PAK5: variants seen among roughly 807,000 people sequenced by gnomAD.
PAK5 encodes the protein p21 (RAC1) activated kinase 5.
In PAK5, 16 loss-of-function variants were observed where a neutral mutation model predicts 65.9. That is an observed-to-expected ratio of 0.24 (90% confidence interval 0.16 to 0.37). PAK5 has a LOEUF of 0.37. Ranked by LOEUF, PAK5 falls within the 10% of genes least tolerant of loss-of-function variation. The probability of loss-of-function intolerance (pLI) is 1.00; values close to 1 mark genes in which losing one functional copy is unlikely to be tolerated. For missense variants in PAK5, 785 were observed against 903.9 expected, an observed-to-expected ratio of 0.87 and a Z score of 1.69; for synonymous variants, 371 against 354.9, an observed-to-expected ratio of 1.05 and a Z score of -0.51.
chr20:9,596,079 C>T (rs561627114), intron 3 of PAK5, among the ~76,000 whole-genome samples: 2 of 152,324 alleles, frequency 1.3e-5, no homozygotes, highest in South Asian at 4.1e-4. Context: ...TACATTAATG[C>T]TATTCCACTT....
At chr20:9,773,392 C>T (rs1156573575) in intron 1 of PAK5, among the ~76,000 whole-genome samples, 1 of 152,072 alleles carries the variant, frequency 6.6e-6, no homozygotes, top group Non-Finnish European at 1.5e-5. Context: ...TCCCCCTTCC[C>T]CCGACCCCAC....
At chr20:9,799,760 A>C (rs2049146168) in intron 1 of PAK5, among the ~76,000 whole-genome samples, 1 of 151,782 alleles carries the variant, frequency 6.6e-6, no homozygotes, top group Non-Finnish European at 1.5e-5. Context: ...ACACCCATAA[A>C]GAAATATCTG....
intron 1 of PAK5, among the ~76,000 whole-genome samples, chr20:9,757,765 C>T (rs924372307): frequency 2.6e-5 from 4 of 152,136 alleles, no homozygotes; most frequent in Admixed American, 2.6e-4. Context: ...ATACTGATCT[C>T]CTTCATGCTG....
At chr20:9,738,427 C>T (rs1224626583) in intron 1 of PAK5, among the ~76,000 whole-genome samples, 1 of 152,014 alleles carries the variant, frequency 6.6e-6, no homozygotes, top group Non-Finnish European at 1.5e-5. Context: ...TGTCCATCAA[C>T]AGGTGAATGT....
At chr20:9,573,170 T>C (rs2045822034) in intron 4 of PAK5, among the ~76,000 whole-genome samples, 1 of 152,048 alleles carries the variant, frequency 6.6e-6, no homozygotes, top group Admixed American at 6.5e-5. Flanking sequence ...GTATACCATA[T>C]AAATTAATTC....
intron 3 of PAK5, among the ~76,000 whole-genome samples, chr20:9,643,866 T>C (rs2047099368): frequency 6.6e-6 from 1 of 152,192 alleles, no homozygotes; most frequent in South Asian, 2.1e-4. Flanking sequence ...AAAGTCGAAA[T>C]AAAAATGTCC....
intron 1 of PAK5, among the ~76,000 whole-genome samples, chr20:9,797,892 T>C (rs1724754950): frequency 6.6e-6 from 1 of 152,010 alleles, no homozygotes. Context: ...GATTCATCAG[T>C]ATATGAATGG....
At chr20:9,770,631 G>C (rs2048822336) in intron 1 of PAK5, among the ~76,000 whole-genome samples, 1 of 152,126 alleles carries the variant, frequency 6.6e-6, no homozygotes. Context: ...AAGGGGAAAG[G>C]AGCAATGTGT....
chr20:9,801,308 C>A (rs2049165841), intron 1 of PAK5, among the ~76,000 whole-genome samples: 1 of 151,928 alleles, frequency 6.6e-6, no homozygotes, highest in African/African-American at 2.4e-5. Flanking sequence ...CAGCTAATTC[C>A]TTCAATGTCA....
intron 1 of PAK5, among the ~76,000 whole-genome samples, chr20:9,798,538 C>T (rs1014052667): frequency 6.6e-6 from 1 of 152,028 alleles, no homozygotes; most frequent in African/African-American, 2.4e-5. Flanking sequence ...TTTCTGTTTT[C>T]TCAAAAAAGC....
At chr20:9,744,291 A>C (rs942945298) in intron 1 of PAK5, among the ~76,000 whole-genome samples, 6 of 152,226 alleles carry the variant, frequency 3.9e-5, no homozygotes, top group Admixed American at 6.5e-5. Context: ...AGATTAATAC[A>C]AAGTCCTGAA....
At chr20:9,790,370 A>C (rs1440152073) in intron 1 of PAK5, among the ~76,000 whole-genome samples, 2 of 152,132 alleles carry the variant, frequency 1.3e-5, no homozygotes, top group Admixed American at 1.3e-4. Flanking sequence ...GAGATAACAC[A>C]TGAAAAGAGG....
At chr20:9,627,593 C>T (rs536445648) in intron 3 of PAK5, among the ~76,000 whole-genome samples, 13 of 152,164 alleles carry the variant, frequency 8.5e-5, no homozygotes, top group African/African-American at 1.4e-4. Context: ...AAGAGACCTG[C>T]GGTATTTTTC....
chr20:9,790,857 T>C (rs1170922578), intron 1 of PAK5, among the ~76,000 whole-genome samples: 1 of 151,958 alleles, frequency 6.6e-6, no homozygotes, highest in Non-Finnish European at 1.5e-5. Flanking sequence ...GGAAAGGTAC[T>C]AGGCATTTGT....
intron 1 of PAK5, among the ~76,000 whole-genome samples, chr20:9,779,737 C>T (rs978561910): frequency 2.0e-5 from 3 of 151,852 alleles, no homozygotes; most frequent in Admixed American, 6.6e-5. Flanking sequence ...ATTATTACAA[C>T]TCAACTTAAA....
intron 2 of PAK5, among the ~76,000 whole-genome samples, chr20:9,662,744 T>C (rs1286729121): frequency 6.6e-6 from 1 of 152,166 alleles, no homozygotes; most frequent in Non-Finnish European, 1.5e-5. Context: ...CTAGTTGTTA[T>C]AACAATGGGC....
chr20:9,547,291 T>G (rs2122906406), intron 7 of PAK5, among the ~76,000 whole-genome samples: 1 of 152,246 alleles, frequency 6.6e-6, no homozygotes, highest in South Asian at 2.1e-4. Context: ...GACTCTTGAA[T>G]CATGAGAATA....
At chr20:9,596,314 A>G (rs1172811335) in intron 3 of PAK5, among the ~76,000 whole-genome samples, 3 of 152,086 alleles carry the variant, frequency 2.0e-5, no homozygotes, top group Non-Finnish European at 4.4e-5. Flanking sequence ...ACTATATAAA[A>G]AGCTGCCAAT....
intron 3 of PAK5, among the ~76,000 whole-genome samples, chr20:9,642,389 C>G (rs1209251208): frequency 6.6e-6 from 1 of 152,166 alleles, no homozygotes; most frequent in African/African-American, 2.4e-5. Flanking sequence ...CTGCTTCCAT[C>G]TAGAATGTTT....
Sources: allele counts gnomAD v4.1 joint callset (sites outside exome capture counted in the v4.1 genomes callset), GRCh38; gene constraint gnomAD v4.1.1; transcripts MANE v1.5; gene names NCBI Gene and HGNC (gene_info 2026-07-23, HGNC 2026-07-21).